CMTM4: variants seen among roughly 807,000 people sequenced by gnomAD.
The protein encoded by CMTM4 is CKLF-like MARVEL transmembrane domain-containing protein 4.
Under a neutral mutation model 19.0 loss-of-function variants are expected in CMTM4, and 8 were observed. The observed-to-expected ratio is 0.42, with a 90% CI of 0.25 to 0.76. CMTM4 has a LOEUF of 0.76. Among genes scored for constraint, CMTM4 ranks in the 30% least tolerant of loss-of-function variants. The pLI is 0.27. For missense variants in CMTM4, 228 were observed against 290.2 expected, an observed-to-expected ratio of 0.79 and a Z score of 1.56; for synonymous variants, 106 against 121.1, an observed-to-expected ratio of 0.88 and a Z score of 0.82.
rs1000785187 is a variant in CMTM4, at chr16:66,620,822, ACTCT to A, written c.*1232_*1235del. 1.5e-5 allele frequency: 15 copies of A among 984,950 alleles called. No homozygotes were observed. Among genetic ancestry groups the A allele is most frequent in the African/African-American group, 3.5e-5 (2 of 57,134 alleles). 61.0% of individuals were successfully genotyped at this position (984,950 alleles called of 1,614,324 possible). A position where few individuals can be genotyped will look rare whatever the true frequency, so the allele number is the denominator to read the frequency against. ...ACTTTTTTCCATAAAAGATATAATTACTCTCTAATTTTTTAAAAAAACTACTGCA... is the reference window on the plus strand; with the variant it reads ...ACTTTTTTCCATAAAAGATATAATTACTAATTTTTTAAAAAAACTACTGCA... On this transcript the variant is annotated 3_prime_UTR_variant, in exon 4 of 4. Transcript: ENST00000394106.
At chr16:66,635,688 G>A (rs1303192622) in intron 2 of CMTM4, among the ~76,000 whole-genome samples, 7 of 152,226 alleles carry the variant, frequency 4.6e-5, no homozygotes, top group African/African-American at 9.6e-5. Flanking sequence ...CTGTGCTTAC[G>A]TGGATCTCCC....
rs1373772282 is a variant in CMTM4, at chr16:66,622,298, C to A, written c.463-76G>T. ...AAGGCTTCTGTGGTGACCCAAGCCA[C>A]ATGCAGCCCCTTCCTGCTCTGCCAG... is the stretch of plus-strand genomic sequence containing the variant. On this transcript the variant is annotated intron_variant, in intron 3 of 3. Coordinates refer to ENST00000394106, the MANE Select transcript of CMTM4 (RefSeq NM_181521.3). The surrounding 1 kb of genome is among the most constrained non-coding windows in gnomAD (Gnocchi z 4.0). 1 of 1,504,774 alleles carries A rather than the reference C, an allele frequency of 6.6e-7. No homozygotes were observed. The allele number at this position is 1,504,774 out of a possible 1,614,324, so 93.2% of individuals were successfully genotyped here. A position where few individuals can be genotyped will look rare whatever the true frequency, so the allele number is the denominator to read the frequency against.
chr16:66,626,314 T>C (rs2015737228), intron 2 of CMTM4, among the ~76,000 whole-genome samples: 1 of 151,822 alleles, frequency 6.6e-6, no homozygotes, highest in Admixed American at 6.6e-5. Flanking sequence ...TACTAAAAAA[T>C]TAGCTGTGGC....
chr16:66,644,589 GTCTT>G (rs1367143211), intron 1 of CMTM4, among the ~76,000 whole-genome samples: 1 of 152,078 alleles, frequency 6.6e-6, no homozygotes, highest in African/African-American at 2.4e-5. Context: ...TTGTGTTTTT[GTCTT>G]TCTTTTTCCA....
intron 1 of CMTM4, among the ~76,000 whole-genome samples, chr16:66,683,347 A>AGT (rs2016976481): frequency 8.5e-6 from 1 of 117,814 alleles, no homozygotes; most frequent in Non-Finnish European, 1.6e-5. Flanking sequence ...GCTGGAGTGC[A>AGT]GTGGCGTGAT....
At chr16:66,685,849 T>C (rs959930215) in intron 1 of CMTM4, among the ~76,000 whole-genome samples, 3 of 152,156 alleles carry the variant, frequency 2.0e-5, no homozygotes, top group Admixed American at 6.5e-5. Context: ...TTCACCACGT[T>C]ACCCAGGCTG....
At chr16:66,679,349 A>T (rs1322621644) in intron 1 of CMTM4, among the ~76,000 whole-genome samples, 1 of 152,116 alleles carries the variant, frequency 6.6e-6, no homozygotes, top group Non-Finnish European at 1.5e-5. Context: ...TTCTGATTTT[A>T]GCAATTCTTA....
chr16:66,695,361 GAAC>G (rs1567437920), intron 1 of CMTM4, among the ~76,000 whole-genome samples: 1 of 151,420 alleles, frequency 6.6e-6, no homozygotes, highest in East Asian at 1.9e-4. Flanking sequence ...GAGAGAGAGA[GAAC>G]AAGAACAAGT....
At position 66,619,630 on chromosome 16, in the gene CMTM4, C is replaced by T. The variant is rs1204238078; in HGVS notation, c.*2428G>A. On this transcript the variant is annotated 3_prime_UTR_variant, in exon 4 of 4. Coordinates refer to ENST00000394106, the MANE Select transcript of CMTM4 (RefSeq NM_181521.3). ...AAAATATAGGCGTCTTCATATTCAC[C>T]TTGGATAACCCTATTCCCTCCAGAA... The T allele has an allele frequency of 1.0e-6, 1 of 985,166 alleles. No homozygotes were observed. The highest frequency in any genetic ancestry group is 1.7e-5 in the African/African-American group (1 of 57,192). The allele number at this position is 985,166 out of a possible 1,614,324, so 61.0% of individuals were successfully genotyped here. A position where few individuals can be genotyped will look rare whatever the true frequency, so the allele number is the denominator to read the frequency against.
chr16:66,655,220 C>T (rs2016376957), intron 1 of CMTM4, among the ~76,000 whole-genome samples: 1 of 152,074 alleles, frequency 6.6e-6, no homozygotes, highest in African/African-American at 2.4e-5. Flanking sequence ...ATCCACCTGC[C>T]TCGGCCTCCC....
chr16:66,692,246 T>C (rs1378303922), intron 1 of CMTM4, among the ~76,000 whole-genome samples: 1 of 152,142 alleles, frequency 6.6e-6, no homozygotes, highest in Non-Finnish European at 1.5e-5. Context: ...ACTCGCTATA[T>C]GCCTGGCTAA....
the CMTM4 span, chr16:66,604,631 G>T: frequency 2.2e-6 from 1 of 449,858 alleles, no homozygotes; most frequent in Non-Finnish European, 3.5e-6. Flanking sequence ...GGTCCGAGGG[G>T]GAGGGGCGGG....
At chr16:66,668,162 G>A (rs999604592) in intron 1 of CMTM4, among the ~76,000 whole-genome samples, 22 of 146,248 alleles carry the variant, frequency 1.5e-4, no homozygotes, top group African/African-American at 5.7e-4. Flanking sequence ...CACCAACAGA[G>A]CTATTTTTTT....
rs964794047 is a variant in CMTM4, at chr16:66,621,696, T to G, written c.*362A>C. 8 of 1,068,202 alleles carry G rather than the reference T, an allele frequency of 7.5e-6. No individual in the cohort carries two copies. The African/African-American group carries it at 1.1e-4, about 15-fold the overall frequency. The allele number at this position is 1,068,202 out of a possible 1,614,324, so 66.2% of individuals were successfully genotyped here. A position where few individuals can be genotyped will look rare whatever the true frequency, so the allele number is the denominator to read the frequency against. ...CGACTGACCGTTCCAATGCTGTCCC[T>G]TCATTCCTTCATATTTCCCCCCTCT... On this transcript the variant is annotated 3_prime_UTR_variant, in exon 4 of 4. Transcript: ENST00000394106.
At chr16:66,674,429 T>C (rs568913237) in intron 1 of CMTM4, among the ~76,000 whole-genome samples, 1 of 152,258 alleles carries the variant, frequency 6.6e-6, no homozygotes, top group Admixed American at 6.5e-5. Flanking sequence ...CAAAGGCCCC[T>C]CGGTGCACAC....
intron 2 of CMTM4, among the ~76,000 whole-genome samples, chr16:66,633,815 C>A: frequency 6.8e-6 from 1 of 146,338 alleles, no homozygotes. Context: ...AAGACCCCAT[C>A]TCAAAAAAAA....
intron 1 of CMTM4, among the ~76,000 whole-genome samples, chr16:66,683,825 G>A (rs1001013225): frequency 6.6e-6 from 1 of 151,912 alleles, no homozygotes; most frequent in African/African-American, 2.4e-5. Flanking sequence ...GATAGGGAAG[G>A]TCTCTTTTGA....
the CMTM4 span, chr16:66,604,515 T>G: frequency 3.9e-6 from 1 of 258,252 alleles, no homozygotes; most frequent in Non-Finnish European, 7.3e-6. Flanking sequence ...GGGGCGGTGA[T>G]CGGGAGGTCT....
intron 1 of CMTM4, among the ~76,000 whole-genome samples, chr16:66,684,908 C>G (rs1399841137): frequency 6.6e-6 from 1 of 152,152 alleles, no homozygotes; most frequent in East Asian, 1.9e-4. Context: ...TCCACCTCTC[C>G]CAGTCTATAT....
Sources: allele counts gnomAD v4.1 joint callset (sites outside exome capture counted in the v4.1 genomes callset), GRCh38; gene constraint gnomAD v4.1.1; non-coding constraint Gnocchi (gnomAD v3.1); transcripts MANE v1.5; gene names NCBI Gene and HGNC (gene_info 2026-07-23, HGNC 2026-07-21).